Variants in SPECC1 observed in about 807,000 individuals in gnomAD.
SPECC1 encodes cytospin-B.
Under a neutral mutation model 104.1 loss-of-function variants are expected in SPECC1, and 62 were observed. The ratio of observed to expected loss-of-function variants is 0.60; its 90% CI spans 0.49 to 0.74. The LOEUF is 0.74. SPECC1 is among the 30% of genes least tolerant of loss of function. The pLI is 0.00. For missense variants in SPECC1, 1,306 were observed against 1,310.5 expected, an observed-to-expected ratio of 1.00 and a Z score of 0.05; for synonymous variants, 513 against 501.6, an observed-to-expected ratio of 1.02 and a Z score of -0.30.
chr17:20,106,591 T>C (rs748246271), intron 2 of SPECC1, among the ~76,000 whole-genome samples: 26 of 152,170 alleles, frequency 1.7e-4, no homozygotes, highest in Non-Finnish European at 3.2e-4. Flanking sequence ...CTCATGATAG[T>C]GAATAAGTCT....
At chr17:20,200,891 A>AG (rs2036385977) in intron 3 of SPECC1, among the ~76,000 whole-genome samples, 1 of 72,904 alleles carries the variant, frequency 1.4e-5, no homozygotes, top group South Asian at 3.1e-4. Flanking sequence ...CAGACATAGT[A>AG]AAAAAAAAAA....
chr17:20,181,404 A>G (rs1187736342), intron 3 of SPECC1, among the ~76,000 whole-genome samples: 1 of 152,148 alleles, frequency 6.6e-6, no homozygotes, highest in Non-Finnish European at 1.5e-5. Flanking sequence ...TAAAGGAAAA[A>G]GGAAAAAGTA....
At chr17:20,293,732 G>A (rs9325893) in intron 12 of SPECC1, among the ~76,000 whole-genome samples, 4,498 of 152,250 alleles carry the variant, frequency 0.03, 217 homozygotes, top group African/African-American at 0.1. Flanking sequence ...GCTATGCCCC[G>A]CTTCTGCAAT....
At chr17:20,302,878 TAAAAAAA>T (rs35060925) in intron 13 of SPECC1, among the ~76,000 whole-genome samples, 18 of 61,860 alleles carry the variant, frequency 2.9e-4, no homozygotes, top group Non-Finnish European at 3.8e-4. Context: ...TGAGCCCATC[TAAAAAAA>T]AAAAAAAAAA....
At chr17:20,087,076 T>C (rs1298757694) in intron 1 of SPECC1, 1 of 152,178 alleles carries the variant, frequency 6.6e-6, no homozygotes, top group African/African-American at 2.4e-5. Flanking sequence ...TACTTTAAAT[T>C]ATCAAGTTCC....
intron 1 of SPECC1, among the ~76,000 whole-genome samples, chr17:20,084,451 A>G (rs1450397121): frequency 6.6e-6 from 1 of 152,200 alleles, no homozygotes; most frequent in Non-Finnish European, 1.5e-5. Flanking sequence ...ATAAAAAATA[A>G]AAGTAACAAA....
chr17:20,144,676 C>A (rs2031258352), intron 3 of SPECC1, among the ~76,000 whole-genome samples: 1 of 152,118 alleles, frequency 6.6e-6, no homozygotes, highest in African/African-American at 2.4e-5. Context: ...TGCTATGTTG[C>A]TTAGATTAGA....
intron 14 of SPECC1, among the ~76,000 whole-genome samples, chr17:20,307,577 G>A (rs1283136482): frequency 6.6e-6 from 1 of 152,228 alleles, no homozygotes; most frequent in African/African-American, 2.4e-5. Flanking sequence ...GAGGAAGTGA[G>A]CATATGAACA....
intron 7 of SPECC1, among the ~76,000 whole-genome samples, chr17:20,239,898 T>G (rs1227063195): frequency 7.6e-6 from 1 of 132,100 alleles, no homozygotes; most frequent in Non-Finnish European, 1.6e-5. Context: ...TTTTTTTTTT[T>G]TTTTTTTTTT....
Position 20,215,801 on chromosome 17 carries a change from C to G in SPECC1, c.1863+9889C>G, listed in dbSNP as rs147782973. Among the ~76,000 whole-genome samples, 285 of 152,210 alleles carry G rather than the reference C, an allele frequency of 1.9e-3. 1 individual carries two copies. Among genetic ancestry groups the G allele is most frequent in the Middle Eastern group, 0.01 (3 of 294 alleles). ...TGTTGGGTAATCTATAAACCTAATT[C>G]CTTATTCTCTTTAGTCTACAGTCTC... On this transcript the variant is annotated intron_variant, in intron 4 of 14. Coordinates refer to ENST00000395527, the MANE Select transcript of SPECC1 (RefSeq NM_001243439.2).
Position 20,297,037 on chromosome 17 carries a change from C to T in SPECC1, c.3017C>T (p.Pro1006Leu), listed in dbSNP as rs1421869669. 6.2e-7 allele frequency: 1 copy of T among 1,614,184 alleles called. No homozygotes were observed. The highest frequency in any genetic ancestry group is 8.5e-7 in the Non-Finnish European group (1 of 1,180,040). ...TGTGCTCTGCTCCACACCTACCTGC[C>T]TGCCCACATCCCCTACCAGGAGCTG... ...AFCALLHTYL[P>L]AHIPYQELNS... Residue 1006 changes from proline to leucine, a missense_variant, in exon 13 of 15, where the codon CCT becomes CTT. This residue lies in a region of SPECC1 where 129 missense variants were observed against 170.6 expected (regional missense o/e 0.76). Coordinates refer to ENST00000395527, the MANE Select transcript of SPECC1 (RefSeq NM_001243439.2).
chr17:20,235,917 A>G (rs894805564), intron 7 of SPECC1, among the ~76,000 whole-genome samples: 3 of 152,176 alleles, frequency 2.0e-5, no homozygotes, highest in African/African-American at 7.2e-5. Context: ...TGCAGACTCC[A>G]CTGGAATTGG....
intron 13 of SPECC1, among the ~76,000 whole-genome samples, chr17:20,303,181 C>A (rs1714794126): frequency 6.6e-6 from 1 of 152,064 alleles, no homozygotes; most frequent in African/African-American, 2.4e-5. Flanking sequence ...ATAATGGTGG[C>A]CTAAAAACTG....
At chr17:20,306,188 A>G in intron 14 of SPECC1, 106 bp downstream of exon 14, 1 of 1,055,812 alleles carries the variant, frequency 9.5e-7, no homozygotes, top group African/African-American at 1.6e-5. Flanking sequence ...TGTTTGCCGA[A>G]AGTCTGTTGC....
At chr17:20,258,965 C>T (rs376011419) in intron 11 of SPECC1, among the ~76,000 whole-genome samples, 1 of 152,326 alleles carries the variant, frequency 6.6e-6, no homozygotes, top group African/African-American at 2.4e-5. Context: ...TTTGGTATCT[C>T]TTCCAGCCCC....
At chr17:20,140,793 T>C (rs536621225) in intron 3 of SPECC1, among the ~76,000 whole-genome samples, 1 of 152,328 alleles carries the variant, frequency 6.6e-6, no homozygotes, top group African/African-American at 2.4e-5. Flanking sequence ...AGAGAGCAAC[T>C]TCTGTATTAC....
intron 1 of SPECC1, among the ~76,000 whole-genome samples, chr17:20,071,457 A>G (rs2046551326): frequency 6.6e-6 from 1 of 152,132 alleles, no homozygotes; most frequent in African/African-American, 2.4e-5. Flanking sequence ...GTAGAGAATA[A>G]TCAATTATTC....
At position 20,144,175 on chromosome 17, in the gene SPECC1, CT is replaced by C. The variant is rs1168474738; in HGVS notation, c.283+33640del. Among the ~76,000 whole-genome samples the C allele has an allele frequency of 7.0e-3, 658 of 94,176 alleles. 1 individual carries two copies. Among genetic ancestry groups the C allele is most frequent in the Middle Eastern group, 0.011 (2 of 178 alleles). 61.8% of individuals were successfully genotyped at this position (94,176 alleles called of 152,430 possible). ...TTATTTAATACTGTTTTTTTCTTTT[CT>C]TTTTTTTTTTTTTTTTTTTTTTTTT... is the stretch of plus-strand genomic sequence containing the variant. On this transcript the variant is annotated intron_variant, in intron 3 of 14. Transcript: ENST00000395527.
intron 1 of SPECC1, among the ~76,000 whole-genome samples, chr17:20,091,263 T>C (rs2047388835): frequency 6.6e-6 from 1 of 152,214 alleles, no homozygotes; most frequent in African/African-American, 2.4e-5. Context: ...AAGCATTTCC[T>C]GTGGCCATTT....
Sources: gnomAD v4.1 joint callset for allele counts (sites outside exome capture counted in the v4.1 genomes callset) on GRCh38, gnomAD v4.1.1 for gene constraint, gnomAD v4.1.1 regional missense constraint, MANE v1.5 for transcripts, NCBI Gene and HGNC (gene_info 2026-07-23, HGNC 2026-07-21) for gene names.